WDFY2: variants seen among roughly 807,000 people sequenced by gnomAD.
WDFY2 encodes the protein WD repeat and FYVE domain-containing protein 2.
In WDFY2, 36 loss-of-function variants were observed where a neutral mutation model predicts 56.4. The observed-to-expected ratio is 0.64, with a 90% CI of 0.49 to 0.84. The LOEUF is 0.84. WDFY2 is among the 40% of genes least tolerant of loss of function. WDFY2 has a pLI of 0.00. For missense variants in WDFY2, 444 were observed against 512.2 expected, an observed-to-expected ratio of 0.87 and a Z score of 1.29; for synonymous variants, 176 against 183.7, an observed-to-expected ratio of 0.96 and a Z score of 0.34.
intron 3 of WDFY2, among the ~76,000 whole-genome samples, chr13:51,697,592 C>G (rs1951901831): frequency 6.7e-6 from 1 of 149,848 alleles, no homozygotes; most frequent in Non-Finnish European, 1.5e-5. Context: ...GTGTTCATGC[C>G]ACTACACTCC....
intron 1 of WDFY2, among the ~76,000 whole-genome samples, chr13:51,646,143 G>A (rs115791758): frequency 0.011 from 1,626 of 152,168 alleles, 26 homozygotes; most frequent in African/African-American, 0.036. Context: ...GGGTAACCCC[G>A]CCTTTTCCAG....
At chr13:51,629,826 C>CTTTTTTTTTTTTTTTTTGT (rs11432630) in intron 1 of WDFY2, among the ~76,000 whole-genome samples, 10 of 125,136 alleles carry the variant, frequency 8.0e-5, no homozygotes, top group Non-Finnish European at 1.3e-4. Flanking sequence ...TCTTTCTTTT[C>CTTTTTTTTTTTTTTTTTGT]TTTTTTTTTT....
At chr13:51,680,372 G>A (rs766840788) in intron 3 of WDFY2, among the ~76,000 whole-genome samples, 4 of 152,280 alleles carry the variant, frequency 2.6e-5, no homozygotes, top group Non-Finnish European at 4.4e-5. Context: ...AAGTAGCTGG[G>A]ATTACAGGTG....
intron 7 of WDFY2, among the ~76,000 whole-genome samples, chr13:51,742,786 C>T (rs1466443370): frequency 6.6e-6 from 1 of 152,272 alleles, no homozygotes; most frequent in East Asian, 1.9e-4. Flanking sequence ...TTATGTGAGG[C>T]TAGGTCACAG....
chr13:51,743,438 C>T (rs1384351317), intron 7 of WDFY2, among the ~76,000 whole-genome samples: 1 of 152,018 alleles, frequency 6.6e-6, no homozygotes, highest in Non-Finnish European at 1.5e-5. Context: ...ACAAGGTTGT[C>T]AAAAAAATAT....
chr13:51,602,191 T>C (rs1032330020), intron 1 of WDFY2, among the ~76,000 whole-genome samples: 4 of 152,224 alleles, frequency 2.6e-5, no homozygotes, highest in African/African-American at 9.6e-5. Context: ...ACAGACTGCA[T>C]GAATGACAGT....
At chr13:51,661,368 A>T (rs181654570) in intron 2 of WDFY2, among the ~76,000 whole-genome samples, 3 of 152,320 alleles carry the variant, frequency 2.0e-5, no homozygotes, top group Non-Finnish European at 4.4e-5. Flanking sequence ...TTAGCACAAA[A>T]TAATTATTTA....
chr13:51,750,626 C>T (rs1289398015), intron 7 of WDFY2, among the ~76,000 whole-genome samples: 1 of 152,000 alleles, frequency 6.6e-6, no homozygotes, highest in African/African-American at 2.4e-5. Context: ...AGCAATCACT[C>T]AGACCATAAA....
At chr13:51,757,936 CA>C (rs1337609610) in intron 10 of WDFY2, among the ~76,000 whole-genome samples, 2 of 151,924 alleles carry the variant, frequency 1.3e-5, no homozygotes, top group Non-Finnish European at 2.9e-5. Context: ...TTATCACAGA[CA>C]CCATTGGAGC....
chr13:51,708,513 T>C (rs1350282288), intron 4 of WDFY2, among the ~76,000 whole-genome samples: 1 of 142,538 alleles, frequency 7.0e-6, no homozygotes, highest in Non-Finnish European at 1.5e-5. Context: ...AAACAGCAAA[T>C]CAAAAAATGA....
At chr13:51,633,676 A>T (rs888955814) in intron 1 of WDFY2, among the ~76,000 whole-genome samples, 3 of 152,168 alleles carry the variant, frequency 2.0e-5, no homozygotes, top group Admixed American at 6.5e-5. Context: ...TAGTTGGATC[A>T]TTTTAGCAAG....
chr13:51,585,943 T>C, intron 1 of WDFY2: 1 of 398,342 alleles, frequency 2.5e-6, no homozygotes, highest in African/African-American at 2.1e-5. Context: ...TTCTTCAGTA[T>C]AACTAGGATG....
chr13:51,687,502 G>A (rs1956080236), intron 3 of WDFY2, among the ~76,000 whole-genome samples: 5 of 151,878 alleles, frequency 3.3e-5, no homozygotes, highest in Admixed American at 2.6e-4. Flanking sequence ...GGTTGGAGGA[G>A]TGAGTCCAGC....
At chr13:51,700,162 C>T (rs567798789) in intron 3 of WDFY2, among the ~76,000 whole-genome samples, 3 of 152,212 alleles carry the variant, frequency 2.0e-5, no homozygotes, top group East Asian at 1.9e-4. Context: ...TGGAGGGATA[C>T]GCCAGACCGT....
chr13:51,706,734 G>A (rs1388623124), intron 4 of WDFY2, among the ~76,000 whole-genome samples: 3 of 152,184 alleles, frequency 2.0e-5, no homozygotes, highest in Non-Finnish European at 2.9e-5. Flanking sequence ...AGAAATCAAT[G>A]CAAGCTCTTT....
intron 1 of WDFY2, among the ~76,000 whole-genome samples, chr13:51,603,898 T>A (rs1003967224): frequency 6.6e-6 from 1 of 152,308 alleles, no homozygotes; most frequent in South Asian, 2.1e-4. Context: ...TGGCATGCTT[T>A]ACCTGGGTAT....
At chr13:51,676,310 A>C (rs888933833) in intron 3 of WDFY2, among the ~76,000 whole-genome samples, 2 of 152,210 alleles carry the variant, frequency 1.3e-5, no homozygotes, top group African/African-American at 4.8e-5. Flanking sequence ...GGGCCCCTCA[A>C]GGTCTTGACA....
chr13:51,651,949 T>A (rs897065195), intron 1 of WDFY2, among the ~76,000 whole-genome samples: 3 of 152,214 alleles, frequency 2.0e-5, no homozygotes, highest in Non-Finnish European at 4.4e-5. Flanking sequence ...AATTCCTGGA[T>A]ATCCTTGTTA....
chr13:51,675,034 T>G, intron 2 of WDFY2, 136 bp from the exon 3 acceptor site: 1 of 693,226 alleles, frequency 1.4e-6, no homozygotes, highest in Non-Finnish European at 2.5e-6. Context: ...TATTTTTTGG[T>G]GAGTGGATGT....
Sources: allele counts gnomAD v4.1 joint callset (sites outside exome capture counted in the v4.1 genomes callset), GRCh38; gene constraint gnomAD v4.1.1; transcripts MANE v1.5; gene names NCBI Gene and HGNC (gene_info 2026-07-23, HGNC 2026-07-21).